Variants in PTCD3 observed in about 807,000 individuals in gnomAD.
The protein encoded by PTCD3 is small ribosomal subunit protein mS39.
In PTCD3, 89 loss-of-function variants were observed where a neutral mutation model predicts 101.9. The observed-to-expected ratio is 0.87, with a 90% confidence interval of 0.74 to 1.04. The LOEUF (loss-of-function observed/expected upper bound fraction) is 1.04. Ranked by LOEUF, PTCD3 falls within the 50% of genes least tolerant of loss-of-function variation. The pLI, the probability that PTCD3 is intolerant of heterozygous loss-of-function variation, is 0.00. For missense variants in PTCD3, 870 were observed against 828.2 expected, an observed-to-expected ratio of 1.05 and a Z score of -0.62; for synonymous variants, 296 against 278.5, an observed-to-expected ratio of 1.06 and a Z score of -0.63.
Position 86,138,266 on chromosome 2 carries a change from T to G in PTCD3, c.*707T>G. ...TTTTAGTGGTTGAAATGAGAGCTAG[T>G]GATGACAGAAGGATGTGGAATGTCT... On this transcript the variant is annotated 3_prime_UTR_variant, in exon 24 of 24. Transcript: ENST00000254630. 1 of 152,274 alleles carries G rather than the reference T, an allele frequency of 6.6e-6. No homozygotes were observed. The highest frequency in any genetic ancestry group is 1.5e-5 in the Non-Finnish European group (1 of 68,098). 9.4% of individuals were successfully genotyped at this position (152,274 alleles called of 1,614,324 possible).
At chr2:86,125,387 T>C in intron 10 of PTCD3, 68 bp from the exon 11 acceptor site, 1 of 1,493,728 alleles carries the variant, frequency 6.7e-7, no homozygotes, top group Non-Finnish European at 9.3e-7. Flanking sequence ...TACCAAACTC[T>C]AGGACAGAAA....
rs1347722064 is a variant in PTCD3, at chr2:86,116,515, A to T, written c.241-15A>T. On this transcript the variant is annotated splice_polypyrimidine_tract_variant and intron_variant, in intron 4 of 23. Transcript: ENST00000254630. ...TCAAAATAAATATAGAAATTGTATTATGTCTTTTCCACAGGATACCACAGC... is the reference window on the plus strand; with the variant it reads ...TCAAAATAAATATAGAAATTGTATTTTGTCTTTTCCACAGGATACCACAGC... The T allele has an allele frequency of 6.3e-7, 1 of 1,588,178 alleles. No homozygotes were observed. Among genetic ancestry groups the T allele is most frequent in the African/African-American group, 1.3e-5 (1 of 74,378 alleles).
At chr2:86,124,579 A>G (rs1226112041) in intron 9 of PTCD3, among the ~76,000 whole-genome samples, 1 of 152,178 alleles carries the variant, frequency 6.6e-6, no homozygotes, top group Non-Finnish European at 1.5e-5. Flanking sequence ...ATGAGAGAAG[A>G]GTTAAAAGTA....
At chr2:86,112,445 C>T (rs1207465019) in intron 4 of PTCD3, among the ~76,000 whole-genome samples, 3 of 150,712 alleles carry the variant, frequency 2.0e-5, no homozygotes, top group African/African-American at 7.3e-5. Context: ...CTTTGGGAGA[C>T]CGAGGGAGGC....
At chr2:86,123,087 G>T (rs1231084751) in intron 8 of PTCD3, among the ~76,000 whole-genome samples, 1 of 151,476 alleles carries the variant, frequency 6.6e-6, no homozygotes, top group Non-Finnish European at 1.5e-5. Context: ...GTGAAATCCC[G>T]TCCCTACTAA....
chr2:86,110,118 T>C (rs1052591848), intron 3 of PTCD3, among the ~76,000 whole-genome samples: 2 of 152,236 alleles, frequency 1.3e-5, no homozygotes, highest in Non-Finnish European at 2.9e-5. Context: ...CTGAATGTCA[T>C]CATTTTTTCA....
rs943594143 is a variant in PTCD3, at chr2:86,141,667, C to T, written c.*4108C>T. On this transcript the variant is annotated 3_prime_UTR_variant, in exon 24 of 24. Transcript: ENST00000254630. Reference sequence around the variant, plus strand: ...TTTTAAGATGTTGAACACTGTCCTACATCAGTGAGGAGGGAGGCAATAAAG... The same window carrying T: ...TTTTAAGATGTTGAACACTGTCCTATATCAGTGAGGAGGGAGGCAATAAAG... 1.3e-5 allele frequency: 2 copies of T among 152,218 alleles called. No individual in the cohort carries two copies. Among genetic ancestry groups the T allele is most frequent in the East Asian group, 1.9e-4 (1 of 5,198 alleles). 9.4% of individuals were successfully genotyped at this position (152,218 alleles called of 1,614,324 possible).
At chr2:86,127,119 T>G (rs1168012337) in intron 12 of PTCD3, 42 bp from the exon 13 acceptor site, 1 of 1,553,326 alleles carries the variant, frequency 6.4e-7, no homozygotes, top group Non-Finnish European at 8.8e-7. Context: ...TTGGACAGAT[T>G]ACCCAGGCAT....
At chr2:86,113,329 C>T (rs572040222) in intron 4 of PTCD3, among the ~76,000 whole-genome samples, 1 of 152,180 alleles carries the variant, frequency 6.6e-6, no homozygotes, top group South Asian at 2.1e-4. Flanking sequence ...AGAAATGGAA[C>T]TTTCTGCTTG....
chr2:86,127,823 A>T, intron 13 of PTCD3, 118 bp from the exon 14 acceptor site: 6 of 819,472 alleles, frequency 7.3e-6, no homozygotes, highest in Non-Finnish European at 1.0e-5. Context: ...ATAGAAATGC[A>T]TATTTTGCTT....
At chr2:86,131,248 AT>A (rs931828146) in intron 16 of PTCD3, 142 bp downstream of exon 16, 444 of 647,544 alleles carry the variant, frequency 6.9e-4, no homozygotes, top group East Asian at 9.8e-4. Context: ...AAAATCTATA[AT>A]TTTTTTTTTC....
intron 2 of PTCD3, 40 bp from the exon 3 acceptor site, chr2:86,108,460 A>G: frequency 6.3e-7 from 1 of 1,589,524 alleles, no homozygotes; most frequent in Non-Finnish European, 8.5e-7. Flanking sequence ...ATTCCATTGT[A>G]GTACTAGGAA....
At chr2:86,137,443 A>G in intron 23 of PTCD3, 26 bp from the exon 24 acceptor site, 1 of 1,613,318 alleles carries the variant, frequency 6.2e-7, no homozygotes, top group Non-Finnish European at 8.5e-7. Flanking sequence ...ATTGCAGTGT[A>G]ATCCTCCATT....
In PTCD3 at chr2:86,123,741, A is replaced by G. The variant is rs770070485; in HGVS notation, c.695A>G (p.His232Arg). 26 of 1,602,536 alleles carry G rather than the reference A, an allele frequency of 1.6e-5. No individual in the cohort carries two copies. The highest frequency in any genetic ancestry group is 2.1e-5 in the Non-Finnish European group (25 of 1,175,674). ...GAGACATCTAGGAGGAAAGCTGGTC[A>G]TCAGTTTGGAGTTACATGGCGGTAT... is the stretch of plus-strand genomic sequence containing the variant. The part of the protein sequence containing the change: ...NDETSRRKAG[H>R]QFGVTWRAKN... Residue 232 changes from histidine (H) to arginine (R), a missense_variant, in exon 9 of 24, where the codon CAT becomes CGT. His to Arg is a conservative substitution (Grantham distance 29). Coordinates refer to ENST00000254630, the MANE Select transcript of PTCD3 (RefSeq NM_017952.6).
intron 12 of PTCD3, 149 bp from the exon 13 acceptor site, chr2:86,127,012 A>G (rs942051942): frequency 1.5e-6 from 1 of 646,684 alleles, no homozygotes; most frequent in Non-Finnish European, 2.5e-6. Flanking sequence ...GAACCTGCTA[A>G]TTAATAAACA....
intron 19 of PTCD3, 140 bp from the exon 20 acceptor site, chr2:86,134,152 T>C (rs1413477242): frequency 1.6e-6 from 1 of 615,002 alleles, no homozygotes; most frequent in African/African-American, 1.9e-5. Context: ...TGAATCCTGG[T>C]GGGTTTCTGG....
At chr2:86,126,566 G>T (rs1050606725) in intron 12 of PTCD3, among the ~76,000 whole-genome samples, 5 of 152,150 alleles carry the variant, frequency 3.3e-5, no homozygotes, top group African/African-American at 9.7e-5. Context: ...GCTGGGCACG[G>T]TGGCTCATGC....
intron 4 of PTCD3, among the ~76,000 whole-genome samples, chr2:86,111,578 ACT>A (rs1451406166): frequency 6.7e-6 from 1 of 150,250 alleles, no homozygotes; most frequent in Non-Finnish European, 1.5e-5. Context: ...AAAGAGCGAG[ACT>A]CTGTCTCAAA....
At chr2:86,126,759 C>T (rs1674400231) in intron 12 of PTCD3, among the ~76,000 whole-genome samples, 1 of 151,878 alleles carries the variant, frequency 6.6e-6, no homozygotes, top group Non-Finnish European at 1.5e-5. Context: ...ATCACCTCAG[C>T]CCACGAGGCA....
Sources: allele counts gnomAD v4.1 joint callset (sites outside exome capture counted in the v4.1 genomes callset), GRCh38; gene constraint gnomAD v4.1.1; transcripts MANE v1.5; gene names NCBI Gene and HGNC (gene_info 2026-07-23, HGNC 2026-07-21).